CEBPZ: variants seen among roughly 807,000 people sequenced by gnomAD.
The protein encoded by CEBPZ is CCAAT/enhancer-binding protein zeta.
In CEBPZ, 78 loss-of-function variants were observed where a neutral mutation model predicts 104.5. The ratio of observed to expected loss-of-function variants is 0.75; its 90% CI spans 0.62 to 0.90. The LOEUF is 0.90. CEBPZ is among the 40% of genes least tolerant of loss of function. The pLI is 0.00. For synonymous variants in CEBPZ, 470 were observed against 427.0 expected, an observed-to-expected ratio of 1.10 and a Z score of -1.24; for missense variants, 1,439 against 1,233.5, an observed-to-expected ratio of 1.17 and a Z score of -2.50.
chr2:37,205,009 G>A (rs1677482816), intron 13 of CEBPZ, among the ~76,000 whole-genome samples: 1 of 152,170 alleles, frequency 6.6e-6, no homozygotes, highest in Admixed American at 6.5e-5. Flanking sequence ...GAGAAAAACT[G>A]CCTATATCTC....
chr2:37,217,495 T>A (rs1280375061), intron 5 of CEBPZ, among the ~76,000 whole-genome samples: 3 of 152,224 alleles, frequency 2.0e-5, no homozygotes, highest in Non-Finnish European at 4.4e-5. Flanking sequence ...GACCATTTCC[T>A]ACACTTAAAA....
At position 37,202,801 on chromosome 2, in the gene CEBPZ, G is replaced by C; in HGVS notation, c.3008C>G (p.Ala1003Gly). Reference protein sequence around the residue: ...KFDNIGMNAMANKDNASLKQL... With the variant: ...KFDNIGMNAMGNKDNASLKQL... The stretch of plus-strand genomic sequence containing the variant: ...TTACTTACTTGCATTATCTTTGTTA[G>C]CCATGGCATTCATGCCAATGTTATC... Residue 1003 changes from alanine to glycine, a missense_variant, in exon 15 of 16, where the codon GCT becomes GGT. Ala to Gly is a moderately conservative substitution (Grantham distance 60). Transcript: ENST00000234170. 1 of 1,583,764 alleles carries C rather than the reference G, an allele frequency of 6.3e-7. No individual in the cohort carries two copies. Among genetic ancestry groups the C allele is most frequent in the Non-Finnish European group, 8.6e-7 (1 of 1,165,474 alleles).
At chr2:37,205,790 G>A (rs754969392) in intron 13 of CEBPZ, among the ~76,000 whole-genome samples, 2 of 152,194 alleles carry the variant, frequency 1.3e-5, no homozygotes, top group African/African-American at 4.8e-5. Context: ...ACCTGATACA[G>A]CACTTTTTTC....
At position 37,228,046 on chromosome 2, in the gene CEBPZ, G is replaced by A; in HGVS notation, c.1147C>T (p.Leu383Phe). The A allele has an allele frequency of 1.9e-6, 3 of 1,614,164 alleles. No individual in the cohort carries two copies. Among genetic ancestry groups the A allele is most frequent in the Non-Finnish European group, 2.5e-6 (3 of 1,180,024 alleles). ...LCNKPEEEKA[L>F]LVQVVNKLGD... The stretch of plus-strand genomic sequence containing the variant: ...AGTTTATTTACCACTTGCACAAGAA[G>A]AGCCTTTTCTTCCTCAGGCTTGTTA... The change falls in exon 2 of 16, where the codon CTT becomes TTT. Residue 383 changes from leucine (L) to phenylalanine (F), a missense_variant. By Grantham distance (22) the Leu-to-Phe change is conservative. Transcript: ENST00000234170.
chr2:37,221,278 G>A (rs979359048), intron 4 of CEBPZ, among the ~76,000 whole-genome samples: 5 of 152,054 alleles, frequency 3.3e-5, no homozygotes, highest in Admixed American at 3.3e-4. Context: ...ATGGCCCACT[G>A]TACTCCAGCC....
intron 13 of CEBPZ, chr2:37,210,215 T>G (rs545571761): frequency 1.3e-5 from 2 of 152,196 alleles, no homozygotes; most frequent in Admixed American, 1.3e-4. Context: ...GTAAACAGTA[T>G]GGAGAGTCCT....
chr2:37,214,775 C>A, intron 9 of CEBPZ, 111 bp downstream of exon 9: 2 of 636,190 alleles, frequency 3.1e-6, no homozygotes, highest in South Asian at 4.5e-5. Flanking sequence ...TCTATTTACA[C>A]ACAGTAGTAG....
intron 4 of CEBPZ, among the ~76,000 whole-genome samples, chr2:37,220,774 T>A (rs1269614783): frequency 6.6e-6 from 1 of 152,186 alleles, no homozygotes; most frequent in African/African-American, 2.4e-5. Flanking sequence ...GTGGATCATT[T>A]GAGTTCAGGA....
At chr2:37,215,037 T>G (rs1222563675) in intron 8 of CEBPZ, 85 bp from the exon 9 acceptor site, 4 of 848,808 alleles carry the variant, frequency 4.7e-6, no homozygotes, top group Middle Eastern at 2.4e-4. Context: ...TACAGCATAA[T>G]CTGTAATTCT....
At chr2:37,222,220 G>A (rs1196686487) in intron 4 of CEBPZ, among the ~76,000 whole-genome samples, 160 bp downstream of exon 4, 1 of 152,180 alleles carries the variant, frequency 6.6e-6, no homozygotes, top group Non-Finnish European at 1.5e-5. Context: ...GGAGGCGGAG[G>A]TTGCAGTGAG....
chr2:37,225,148 G>T (rs985374464), intron 2 of CEBPZ, among the ~76,000 whole-genome samples: 7 of 152,158 alleles, frequency 4.6e-5, no homozygotes, highest in African/African-American at 1.4e-4. Context: ...ACAGTGTTAA[G>T]TTATCTATTA....
chr2:37,210,420 A>T (rs1677683460), intron 13 of CEBPZ: 1 of 152,310 alleles, frequency 6.6e-6, no homozygotes, highest in Non-Finnish European at 1.5e-5. Flanking sequence ...GTATACATAT[A>T]CCATGGAATG....
Position 37,228,722 on chromosome 2 carries a change from C to G in CEBPZ, c.471G>C (p.Pro157=). The G allele has an allele frequency of 6.2e-7, 1 of 1,614,170 alleles. No individual in the cohort carries two copies. Among genetic ancestry groups the G allele is most frequent in the Non-Finnish European group, 8.5e-7 (1 of 1,180,010 alleles). ...TGTTCTGTTTATCTTTCTTTACTTT[C>G]GGTGTGGTACTGCCATTCTCATCAG... ...PHSDENGSTT[P]KVKKDKQNIF... is the part of the protein sequence containing the mutation. Residue 157 remains proline, a synonymous_variant, in exon 2 of 16, where the codon CCG becomes CCC. Transcript: ENST00000234170.
chr2:37,221,870 G>T (rs974700420), intron 4 of CEBPZ, among the ~76,000 whole-genome samples: 1 of 152,172 alleles, frequency 6.6e-6, no homozygotes, highest in South Asian at 2.1e-4. Context: ...GCATTTCTAA[G>T]ATTTTTTTTT....
Position 37,222,573 on chromosome 2 carries a change from G to C in CEBPZ, c.1882-10C>G, listed in dbSNP as rs369032058. 1 of 1,556,904 alleles carries C rather than the reference G, an allele frequency of 6.4e-7. No individual in the cohort carries two copies. The highest frequency in any genetic ancestry group is 8.7e-7 in the Non-Finnish European group (1 of 1,153,552). On this transcript the variant is annotated splice_polypyrimidine_tract_variant and intron_variant, in intron 3 of 15. Transcript: ENST00000234170. ...CTTCATCATCAGACTCCTAACAAAA[G>C]TATAGTTTCATAAATCTACATAAAT...
chr2:37,228,224 CT>C lies in CEBPZ; in HGVS notation c.968del (p.Lys323ArgfsTer8). On this transcript the variant is annotated frameshift_variant, in exon 2 of 16. Coordinates refer to ENST00000234170, the MANE Select transcript of CEBPZ (RefSeq NM_005760.3). LOFTEE classifies it high-confidence loss of function. Reference sequence around the variant, plus strand: ...ATATCAGTCTTCTATCTCTTGAGTCCTTGTTGCCACTGGACAACTGTTCCAG... The same window carrying C: ...ATATCAGTCTTCTATCTCTTGAGTCCTGTTGCCACTGGACAACTGTTCCAG... ...DKLEQLSSGNKDSRDRRLILW... is the reference protein window; with the variant it reads ...DKLEQLSSGNXDSRDRRLILW... 6.2e-7 allele frequency: 1 copy of C among 1,614,222 alleles called. No homozygotes were observed. The highest frequency in any genetic ancestry group is 8.5e-7 in the Non-Finnish European group (1 of 1,180,034).
rs564408225 is a variant in CEBPZ at position 37,228,421 on chromosome 2, C to T, written c.772G>A (p.Asp258Asn). ...ACAAACTGAAGTGTGTGAACGGCAT[C>T]ATCCTGAATAAGAAGAATCATGGCT... ...MAAMILLIQD[D>N]AVHTLQFVET... The change falls in exon 2 of 16, where the codon GAT (aspartate) becomes AAT (asparagine). Residue 258 changes from aspartate to asparagine, a missense_variant. By Grantham distance (23) the Asp-to-Asn change is conservative. Coordinates refer to ENST00000234170, the MANE Select transcript of CEBPZ (RefSeq NM_005760.3). 6.2e-7 allele frequency: 1 copy of T among 1,614,226 alleles called. No homozygotes were observed. Among genetic ancestry groups the T allele is most frequent in the Non-Finnish European group, 8.5e-7 (1 of 1,180,042 alleles).
chr2:37,231,202 C>A, intron 1 of CEBPZ: 1 of 724,192 alleles, frequency 1.4e-6, no homozygotes, highest in Non-Finnish European at 2.5e-6. Context: ...TAAGAATAGC[C>A]AGAGAATACA....
chr2:37,215,595 C>G (rs535197429), intron 8 of CEBPZ: 4 of 152,550 alleles, frequency 2.6e-5, no homozygotes, highest in African/African-American at 9.6e-5. Flanking sequence ...CTAATTTAAT[C>G]CTGGTCTCTG....
Sources: allele counts gnomAD v4.1 joint callset (sites outside exome capture counted in the v4.1 genomes callset), GRCh38; gene constraint gnomAD v4.1.1; transcripts MANE v1.5; gene names NCBI Gene and HGNC (gene_info 2026-07-23, HGNC 2026-07-21).